The following OSBPL9 variants were observed in gnomAD, a reference collection of about 807,000 sequenced individuals.
OSBPL9 encodes oxysterol binding protein like 9.
Under a neutral mutation model 106.6 loss-of-function variants are expected in OSBPL9, and 40 were observed. The observed-to-expected ratio is 0.38, with a 90% CI of 0.29 to 0.49. The LOEUF is 0.49. Among genes scored for constraint, OSBPL9 ranks in the 20% least tolerant of loss-of-function variants. The pLI is 0.97. For missense variants in OSBPL9, 609 were observed against 887.2 expected (o/e 0.69, Z 3.98); for synonymous variants, 269 against 295.4 (o/e 0.91, Z 0.92).
intron 17 of OSBPL9, among the ~76,000 whole-genome samples, chr1:51,783,075 T>C (rs1003720979): frequency 1.3e-5 from 2 of 152,240 alleles, no homozygotes; most frequent in Non-Finnish European, 2.9e-5. Context: ...ATGCACACCC[T>C]CCTGTATACT....
At chr1:51,704,384 G>A (rs1270199048) in intron 3 of OSBPL9, among the ~76,000 whole-genome samples, 5 of 152,120 alleles carry the variant, frequency 3.3e-5, no homozygotes, top group Admixed American at 2.6e-4. Flanking sequence ...TGTATGTGTC[G>A]AGGAATTTAT....
chr1:51,657,465 T>G (rs1646885774), intron 2 of OSBPL9, among the ~76,000 whole-genome samples: 1 of 152,206 alleles, frequency 6.6e-6, no homozygotes, highest in Non-Finnish European at 1.5e-5. Context: ...CTTATCAAGG[T>G]CACATAGGAA....
At chr1:51,630,974 C>G (rs910758499) in intron 1 of OSBPL9, among the ~76,000 whole-genome samples, 4 of 152,132 alleles carry the variant, frequency 2.6e-5, no homozygotes, top group Non-Finnish European at 5.9e-5. Context: ...CCAATGGGTT[C>G]TTTCTGCCCA....
chr1:51,563,445 AC>A, the OSBPL9 span, among the ~76,000 whole-genome samples: 1 of 152,006 alleles, frequency 6.6e-6, no homozygotes, highest in Non-Finnish European at 1.5e-5. Context: ...TTACCAGCCC[AC>A]CCCGTCCAAC....
chr1:51,767,384 ACT>A (rs1672789819), intron 12 of OSBPL9, among the ~76,000 whole-genome samples: 1 of 149,030 alleles, frequency 6.7e-6, no homozygotes, highest in African/African-American at 2.5e-5. Flanking sequence ...CAAGAGTGAG[ACT>A]CTGTCTTAAA....
chr1:51,750,229 A>G, intron 8 of OSBPL9, 34 bp downstream of exon 8: 1 of 1,519,898 alleles, frequency 6.6e-7, no homozygotes, highest in Non-Finnish European at 9.0e-7. Context: ...ACCTTTGTGT[A>G]TGGAGTTCAA....
chr1:51,626,735 G>A (rs1208112253), intron 1 of OSBPL9, among the ~76,000 whole-genome samples: 2 of 151,872 alleles, frequency 1.3e-5, no homozygotes, highest in Admixed American at 6.6e-5. Context: ...GCCCAGGCTA[G>A]TCTTGAACTC....
intron 9 of OSBPL9, 71 bp downstream of exon 9, chr1:51,756,429 G>A (rs1670355731): frequency 7.0e-7 from 1 of 1,430,228 alleles, no homozygotes. Context: ...ATCAGGAGAA[G>A]CCTGAATTAC....
intron 1 of OSBPL9, among the ~76,000 whole-genome samples, chr1:51,650,852 T>C (rs1646474022): frequency 6.6e-6 from 1 of 152,244 alleles, no homozygotes; most frequent in Non-Finnish European, 1.5e-5. Flanking sequence ...ATTTACTGAA[T>C]GTAAACATAG....
intron 4 of OSBPL9, among the ~76,000 whole-genome samples, chr1:51,724,108 G>A (rs955592885): frequency 6.6e-6 from 1 of 151,888 alleles, no homozygotes; most frequent in Non-Finnish European, 1.5e-5. Context: ...CACCACGCCT[G>A]CTAATTTTTG....
the OSBPL9 span, among the ~76,000 whole-genome samples, chr1:51,540,527 G>A: frequency 6.6e-6 from 1 of 151,780 alleles, no homozygotes; most frequent in Non-Finnish European, 1.5e-5. Context: ...GGTGGCGCAC[G>A]CCTGCAGTCC....
intron 1 of OSBPL9, among the ~76,000 whole-genome samples, chr1:51,586,660 T>C (rs1645249370): frequency 6.6e-6 from 1 of 152,208 alleles, no homozygotes; most frequent in Non-Finnish European, 1.5e-5. Context: ...TTAGAAAGGC[T>C]ATACTCACAA....
intron 4 of OSBPL9, among the ~76,000 whole-genome samples, chr1:51,719,071 C>T (rs1419915653): frequency 6.6e-6 from 1 of 152,114 alleles, no homozygotes; most frequent in Admixed American, 6.5e-5. Flanking sequence ...TTTAGTCTCA[C>T]TTTTTTTCCT....
At chr1:51,675,042 G>A (rs1650842289) in intron 3 of OSBPL9, among the ~76,000 whole-genome samples, 1 of 152,210 alleles carries the variant, frequency 6.6e-6, no homozygotes, top group African/African-American at 2.4e-5. Context: ...TATAGCCTAG[G>A]AATGATAGCC....
intron 3 of OSBPL9, among the ~76,000 whole-genome samples, chr1:51,675,420 G>A (rs1318898982): frequency 6.6e-6 from 1 of 151,964 alleles, no homozygotes; most frequent in East Asian, 1.9e-4. Flanking sequence ...GTGTGTGTGT[G>A]TGTGAACTCT....
At chr1:51,595,179 C>T (rs1167174299) in intron 1 of OSBPL9, among the ~76,000 whole-genome samples, 2 of 152,132 alleles carry the variant, frequency 1.3e-5, no homozygotes, top group African/African-American at 4.8e-5. Context: ...GACTGAGGAG[C>T]TAATGGGGGC....
At chr1:51,566,535 T>C in the OSBPL9 span, 1 of 152,186 alleles carries the variant, frequency 6.6e-6, no homozygotes, top group African/African-American at 2.4e-5. Context: ...TGAGGGTCTT[T>C]ATTGATCTAT....
At chr1:51,649,408 G>A (rs1646369035) in intron 1 of OSBPL9, among the ~76,000 whole-genome samples, 1 of 152,104 alleles carries the variant, frequency 6.6e-6, no homozygotes, top group Admixed American at 6.5e-5. Context: ...ACTGTTCCTG[G>A]CCTTCAGTCT....
chr1:51,651,008 C>A (rs1646484191), intron 1 of OSBPL9, among the ~76,000 whole-genome samples: 1 of 152,160 alleles, frequency 6.6e-6, no homozygotes, highest in African/African-American at 2.4e-5. Context: ...AATTCCTACC[C>A]CCTAAGGTAT....
Sources: allele counts gnomAD v4.1 joint callset (sites outside exome capture counted in the v4.1 genomes callset), GRCh38; gene constraint gnomAD v4.1.1; transcripts MANE v1.5; gene names NCBI Gene and HGNC (gene_info 2026-07-23, HGNC 2026-07-21).